The following MYO9A variants were observed in gnomAD, a reference collection of about 807,000 sequenced individuals.
MYO9A encodes myosin IXA.
In MYO9A, 103 loss-of-function variants were observed where a neutral mutation model predicts 293.3. That is an observed-to-expected ratio of 0.35 (90% CI 0.30 to 0.41). The LOEUF (loss-of-function observed/expected upper bound fraction) is 0.41. MYO9A is among the 10% of genes least tolerant of loss of function. The pLI, the probability that MYO9A is intolerant of heterozygous loss-of-function variation, is 1.00. For missense variants in MYO9A, 2,685 were observed against 3,033.0 expected (o/e 0.89, Z 2.69); for synonymous variants, 1,001 against 1,035.7 (o/e 0.97, Z 0.64).
intron 9 of MYO9A, among the ~76,000 whole-genome samples, chr15:71,995,963 T>G (rs1273493186): frequency 1.3e-5 from 2 of 152,168 alleles, no homozygotes; most frequent in African/African-American, 2.4e-5. Context: ...GAAAGAAGAC[T>G]GGTACCAAAT....
At chr15:72,116,642 C>T (rs1397572375) in intron 1 of MYO9A, among the ~76,000 whole-genome samples, 1 of 152,128 alleles carries the variant, frequency 6.6e-6, no homozygotes, top group Non-Finnish European at 1.5e-5. Context: ...AAAAAAAGTC[C>T]CCTAGTATCC....
intron 34 of MYO9A, among the ~76,000 whole-genome samples, chr15:71,856,718 T>C (rs1368702658): frequency 6.6e-6 from 1 of 152,238 alleles, no homozygotes; most frequent in African/African-American, 2.4e-5. Flanking sequence ...ATTAATTTCA[T>C]GTCTATTTTG....
At chr15:72,092,009 C>T (rs1304043454) in intron 1 of MYO9A, among the ~76,000 whole-genome samples, 1 of 152,108 alleles carries the variant, frequency 6.6e-6, no homozygotes, top group Non-Finnish European at 1.5e-5. Context: ...AGCCATCGCG[C>T]CCGGCGAAAA....
chr15:71,849,100 GAGACA>G lies in MYO9A; in HGVS notation c.6714-137_6714-133del, dbSNP rs139791263. 4,646 of 899,784 alleles carry G rather than the reference GAGACA, an allele frequency of 5.2e-3. 150 individuals are homozygous for G. In the African/African-American group the frequency reaches 0.074, roughly 14 times the overall value. The allele number at this position is 899,784 out of a possible 1,614,324, so 55.7% of individuals were successfully genotyped here. On this transcript the variant is annotated intron_variant, in intron 38 of 41. Coordinates refer to ENST00000356056, the MANE Select transcript of MYO9A (RefSeq NM_006901.4). The stretch of plus-strand genomic sequence containing the variant: ...TAACATCCCTTACTTGATAAACTCA[GAGACA>G]AGGTTTAGAATGGTGGTTCACAACT...
intron 21 of MYO9A, 43 bp from the exon 22 acceptor site, chr15:71,903,106 T>G (rs1029044387): frequency 2.7e-6 from 4 of 1,505,468 alleles, no homozygotes; most frequent in Non-Finnish European, 3.6e-6. Context: ...GAAAACAGTG[T>G]ATGTAAACAA....
intron 34 of MYO9A, among the ~76,000 whole-genome samples, chr15:71,855,819 T>C (rs1257533149): frequency 6.6e-6 from 1 of 152,230 alleles, no homozygotes; most frequent in Non-Finnish European, 1.5e-5. Context: ...CTGTAGTATA[T>C]ATAATCTGTT....
rs145831576 is a variant in MYO9A at position 71,826,833 on chromosome 15, C to T, written c.7394G>A (p.Gly2465Asp). Residue 2465 changes from glycine (G) to aspartate (D), a missense_variant, in exon 42 of 42, where the codon GGT becomes GAT. Physicochemically the swap from Gly to Asp is moderately conservative, Grantham distance 94. This residue lies in a region of MYO9A where 350 missense variants were observed against 328.9 expected (regional missense o/e 1.06). Coordinates refer to ENST00000356056, the MANE Select transcript of MYO9A (RefSeq NM_006901.4). ...SKSPFYRAAS[G>D]NEALGMEGPL... Reference sequence around the variant, plus strand: ...TCCTTCCATTCCCAGGGCCTCATTACCTGAGGCAGCTCGGTAGAATGGAGA... The same window carrying T: ...TCCTTCCATTCCCAGGGCCTCATTATCTGAGGCAGCTCGGTAGAATGGAGA... 1.2e-5 allele frequency: 20 copies of T among 1,613,976 alleles called. No homozygotes were observed. Among genetic ancestry groups the T allele is most frequent in the Non-Finnish European group, 1.5e-5 (18 of 1,179,970 alleles).
rs1435488426 is a variant in MYO9A at position 71,880,449 on chromosome 15, T to A, written c.5508A>T (p.Arg1836=). Residue 1836 remains arginine (R), a synonymous_variant, in exon 29 of 42, where the codon CGA becomes CGT. Transcript: ENST00000356056. ...AAGCCACGTTGCTAATCTTCACACT[T>A]CGCTTGCGCTTAGCCTTTGGAGAAG... ...KEPSPKAKRK[R]SVKISNVALD... is the part of the protein sequence containing the mutation. 6.2e-7 allele frequency: 1 copy of A among 1,614,112 alleles called. No homozygotes were observed. Among genetic ancestry groups the A allele is most frequent in the African/African-American group, 1.3e-5 (1 of 74,956 alleles).
In MYO9A at chr15:72,011,167, T is replaced by C. The variant is rs1596374581; in HGVS notation, c.1156-720A>G. Among the ~76,000 whole-genome samples the C allele has an allele frequency of 2.6e-5, 4 of 151,820 alleles. No homozygotes were observed. The East Asian group carries it at 7.8e-4, about 29-fold the overall frequency. ...TGGAACTACCCAGCTAGTCCTACCA[T>C]GACCGGTTAGTTTTTTGTATTTTTA... On this transcript the variant is annotated intron_variant, in intron 6 of 41. Coordinates refer to ENST00000356056, the MANE Select transcript of MYO9A (RefSeq NM_006901.4).
At chr15:72,040,780 AAAGAAT>A (rs1777466594) in intron 2 of MYO9A, among the ~76,000 whole-genome samples, 1 of 152,226 alleles carries the variant, frequency 6.6e-6, no homozygotes, top group Non-Finnish European at 1.5e-5. Context: ...ACAAAAAAAT[AAAGAAT>A]AAGTCACAAA....
chr15:71,854,292 T>A, intron 35 of MYO9A, 85 bp downstream of exon 35: 1 of 1,083,124 alleles, frequency 9.2e-7, no homozygotes, highest in South Asian at 2.6e-5. Context: ...AAGTAAAGGA[T>A]TGACATGTAA....
rs1555501715 is a variant in MYO9A at position 72,003,718 on chromosome 15, A to AT, written c.1381-3779_1381-3778insA. ...GACTCCGTCTCAAAAAAAAAAAAAA[A>AT]AAATAAGAACTCAAAAGCAACAAAT... On this transcript the variant is annotated intron_variant, in intron 8 of 41. Coordinates refer to ENST00000356056, the MANE Select transcript of MYO9A (RefSeq NM_006901.4). Among the ~76,000 whole-genome samples, 665 of 152,018 alleles carry AT rather than the reference A, an allele frequency of 4.4e-3. 5 individuals carry two copies. Among genetic ancestry groups the AT allele is most frequent in the Middle Eastern group, 0.01 (3 of 294 alleles).
At chr15:72,084,939 G>A (rs1484734740) in intron 1 of MYO9A, among the ~76,000 whole-genome samples, 4 of 152,132 alleles carry the variant, frequency 2.6e-5, no homozygotes, top group Non-Finnish European at 5.9e-5. Context: ...AATGAGTCGG[G>A]TGTCATAGAT....
chr15:71,886,897 T>C (rs1044580947), intron 27 of MYO9A, among the ~76,000 whole-genome samples: 2 of 152,118 alleles, frequency 1.3e-5, no homozygotes, highest in African/African-American at 4.8e-5. Flanking sequence ...TGCTCTGGAT[T>C]TGGATTACCT....
chr15:71,855,303 T>C (rs2055821611), intron 34 of MYO9A, among the ~76,000 whole-genome samples: 1 of 152,104 alleles, frequency 6.6e-6, no homozygotes, highest in African/African-American at 2.4e-5. Flanking sequence ...GCCCAGCTAA[T>C]GTTTGTAGTT....
At chr15:71,975,904 T>C (rs1425372833) in intron 12 of MYO9A, among the ~76,000 whole-genome samples, 1 of 152,236 alleles carries the variant, frequency 6.6e-6, no homozygotes, top group African/African-American at 2.4e-5. Context: ...TGGGAGTTCC[T>C]GGAGGGTGGT....
intron 1 of MYO9A, among the ~76,000 whole-genome samples, chr15:72,104,071 G>A (rs1240782220): frequency 6.6e-6 from 1 of 152,202 alleles, no homozygotes; most frequent in Non-Finnish European, 1.5e-5. Flanking sequence ...TATGCATTCA[G>A]TAGAAACCAT....
intron 18 of MYO9A, among the ~76,000 whole-genome samples, chr15:71,929,196 G>C (rs1323241660): frequency 6.6e-6 from 1 of 152,118 alleles, no homozygotes; most frequent in Non-Finnish European, 1.5e-5. Flanking sequence ...GTGGGGTCTT[G>C]AGGATTTTCT....
intron 12 of MYO9A, among the ~76,000 whole-genome samples, chr15:71,971,793 A>G (rs1596305413): frequency 6.7e-6 from 1 of 149,946 alleles, no homozygotes; most frequent in East Asian, 1.9e-4. Flanking sequence ...ATAAATAAAT[A>G]AATATATATA....
Sources: gnomAD v4.1 joint callset for allele counts (sites outside exome capture counted in the v4.1 genomes callset) on GRCh38, gnomAD v4.1.1 for gene constraint, gnomAD v4.1.1 regional missense constraint, MANE v1.5 for transcripts, NCBI Gene and HGNC (gene_info 2026-07-23, HGNC 2026-07-21) for gene names.